KALRN: variants seen among roughly 807,000 people sequenced by gnomAD.
KALRN encodes the protein kalirin RhoGEF kinase.
In KALRN, 70 loss-of-function variants were observed where a neutral mutation model predicts 353.7. The observed-to-expected ratio is 0.20, with a 90% confidence interval of 0.16 to 0.24. KALRN has a LOEUF of 0.24. Ranked by LOEUF, KALRN falls within the 10% of genes least tolerant of loss-of-function variation. KALRN has a pLI of 1.00. For synonymous variants in KALRN, 1,391 were observed against 1,434.8 expected, an observed-to-expected ratio of 0.97 and a Z score of 0.69; for missense variants, 2,791 against 3,756.7, an observed-to-expected ratio of 0.74 and a Z score of 6.72.
At chr3:124,395,511 A>G (rs1168660366) in intron 12 of KALRN, 168 bp downstream of exon 12, 1 of 565,676 alleles carries the variant, frequency 1.8e-6, no homozygotes, top group Non-Finnish European at 3.1e-6. Flanking sequence ...TTGAATCTAG[A>G]ATAAAATAGT....
intron 26 of KALRN, 73 bp from the exon 27 acceptor site, chr3:124,477,171 TG>T: frequency 1.9e-6 from 2 of 1,062,968 alleles, no homozygotes; most frequent in South Asian, 2.7e-5. Flanking sequence ...CAGCCCTTGC[TG>T]GGTCCTTCAG....
chr3:124,227,699 T>C (rs112307343), intron 1 of KALRN, among the ~76,000 whole-genome samples: 12,635 of 82,124 alleles, frequency 0.15, 1,435 homozygotes, highest in African/African-American at 0.29. Flanking sequence ...TTTTTTTTTT[T>C]TTTTTTGCCC....
chr3:124,495,990 T>TATATATATATACAC (rs2063755680), intron 32 of KALRN, among the ~76,000 whole-genome samples: 1 of 58,532 alleles, frequency 1.7e-5, no homozygotes, highest in African/African-American at 8.6e-5. Context: ...TATATATATA[T>TATATATATATACAC]ATATATATAT....
At chr3:124,646,017 G>A (rs912880826) in intron 37 of KALRN, among the ~76,000 whole-genome samples, 3 of 151,774 alleles carry the variant, frequency 2.0e-5, no homozygotes, top group African/African-American at 7.3e-5. Context: ...TCCCTGTCTG[G>A]GAATCGGACC....
At chr3:124,263,643 AAATAC>A (rs979858832) in intron 3 of KALRN, among the ~76,000 whole-genome samples, 2 of 152,240 alleles carry the variant, frequency 1.3e-5, no homozygotes, top group African/African-American at 4.8e-5. Flanking sequence ...AATACATCTT[AAATAC>A]AATGGTGATA....
chr3:124,569,562 T>C (rs573406912), intron 34 of KALRN, among the ~76,000 whole-genome samples: 1 of 152,176 alleles, frequency 6.6e-6, no homozygotes, highest in Non-Finnish European at 1.5e-5. Context: ...AAAGATTAGG[T>C]AATATGCTCA....
chr3:124,060,292 C>G (rs1350343147), intron 1 of KALRN, among the ~76,000 whole-genome samples: 1 of 152,182 alleles, frequency 6.6e-6, no homozygotes, highest in Non-Finnish European at 1.5e-5. Flanking sequence ...TCAGCATCAG[C>G]TCTGTAATTT....
At chr3:124,594,307 C>A (rs763735046) in intron 34 of KALRN, among the ~76,000 whole-genome samples, 9 of 152,166 alleles carry the variant, frequency 5.9e-5, no homozygotes, top group Non-Finnish European at 8.8e-5. Context: ...CTCACTGCAA[C>A]CTCCGTTTCC....
intron 1 of KALRN, among the ~76,000 whole-genome samples, chr3:124,154,790 C>T (rs1167975170): frequency 1.2e-4 from 18 of 151,404 alleles, no homozygotes; most frequent in Admixed American, 3.3e-4. Flanking sequence ...CAAAAAAGAG[C>T]CCGCATCGCC....
intron 45 of KALRN, 59 bp downstream of exon 45, chr3:124,661,987 G>A: frequency 1.4e-6 from 2 of 1,384,906 alleles, no homozygotes; most frequent in African/African-American, 1.4e-5. Flanking sequence ...AGTCCAGACT[G>A]TTGCGGCTTC....
At chr3:124,669,584 A>C (rs552855904) in intron 47 of KALRN, among the ~76,000 whole-genome samples, 1 of 152,348 alleles carries the variant, frequency 6.6e-6, no homozygotes, top group East Asian at 1.9e-4. Context: ...TCTGCTATGT[A>C]CTTAGAACTT....
At chr3:124,360,673 C>T (rs78645306) in intron 10 of KALRN, among the ~76,000 whole-genome samples, 4,612 of 152,214 alleles carry the variant, frequency 0.03, 181 homozygotes, top group African/African-American at 0.095. Context: ...GAAAGCAAAC[C>T]ATTTATTACC....
At chr3:124,546,611 C>T (rs2069699694) in intron 33 of KALRN, among the ~76,000 whole-genome samples, 1 of 152,094 alleles carries the variant, frequency 6.6e-6, no homozygotes, top group Non-Finnish European at 1.5e-5. Flanking sequence ...CAGAATGCCT[C>T]CTTCACCATG....
chr3:124,312,664 A>G (rs1580822812), intron 6 of KALRN, among the ~76,000 whole-genome samples: 1 of 152,220 alleles, frequency 6.6e-6, no homozygotes, highest in African/African-American at 2.4e-5. Flanking sequence ...ATCTGTGTGT[A>G]CCACACAGTA....
intron 1 of KALRN, among the ~76,000 whole-genome samples, chr3:124,136,884 G>A (rs1404262124): frequency 1.3e-5 from 2 of 152,186 alleles, no homozygotes; most frequent in African/African-American, 4.8e-5. Flanking sequence ...CGCACTACAG[G>A]AAATTATGGA....
chr3:124,708,877 A>T (rs1376633137), intron 57 of KALRN, among the ~76,000 whole-genome samples: 1 of 152,176 alleles, frequency 6.6e-6, no homozygotes, highest in Non-Finnish European at 1.5e-5. Context: ...AAGAAACAAG[A>T]GAAAAAAACA....
rs35729834 is a variant in KALRN at position 124,678,228 on chromosome 3, G to A, written c.7232G>A (p.Arg2411Gln). Residue 2411 changes from arginine to glutamine, a missense_variant, in exon 50 of 60, where the codon CGG (arginine) becomes CAG (glutamine). Physicochemically the swap from Arg to Gln is conservative, Grantham distance 43. This residue lies in a region of KALRN where 1,065 missense variants were observed against 1,156.4 expected (regional missense o/e 0.92). Coordinates refer to ENST00000682506, the MANE Select transcript of KALRN (RefSeq NM_001388419.1). ...TGGCATACTCTACGCATGAGAAAGC[G>A]GGCGGAAGTGGAGAACACGGGTAAA... ...CSWHTLRMRKRAEVENTGKNE... is the reference protein window; with the variant it reads ...CSWHTLRMRKQAEVENTGKNE... 119 of 1,613,876 alleles carry A rather than the reference G, an allele frequency of 7.4e-5. No individual in the cohort carries two copies. The highest frequency in any genetic ancestry group is 6.6e-4 in the Middle Eastern group (4 of 6,076).
At chr3:124,074,772 G>A (rs2060187779) in intron 1 of KALRN, among the ~76,000 whole-genome samples, 2 of 152,286 alleles carry the variant, frequency 1.3e-5, no homozygotes, top group African/African-American at 4.8e-5. Context: ...TGTCATGATG[G>A]CTTATGAACC....
At chr3:124,419,078 A>C (rs1037300466) in intron 14 of KALRN, among the ~76,000 whole-genome samples, 1 of 152,004 alleles carries the variant, frequency 6.6e-6, no homozygotes, top group Non-Finnish European at 1.5e-5. Flanking sequence ...TCTAAAAGAA[A>C]AAAAAAAATT....
Sources: gnomAD v4.1 joint callset for allele counts (sites outside exome capture counted in the v4.1 genomes callset) on GRCh38, gnomAD v4.1.1 for gene constraint, gnomAD v4.1.1 regional missense constraint, MANE v1.5 for transcripts, NCBI Gene and HGNC (gene_info 2026-07-23, HGNC 2026-07-21) for gene names.